ASPRV1: variants seen among roughly 807,000 people sequenced by gnomAD.
ASPRV1 encodes the protein retroviral-like aspartic protease 1.
In ASPRV1, 7 loss-of-function variants were observed where a neutral mutation model predicts 11.0. The observed-to-expected ratio is 0.64, with a 90% confidence interval of 0.36 to 1.20. The LOEUF is 1.20. Ranked by LOEUF, ASPRV1 falls within the 50% of genes most tolerant of loss-of-function variation. The pLI is 0.02. For synonymous variants in ASPRV1, 136 were observed against 138.4 expected (o/e 0.98, Z 0.12); for missense variants, 299 against 320.0 (o/e 0.93, Z 0.50).
the ASPRV1 span, among the ~76,000 whole-genome samples, chr2:70,016,801 A>G: frequency 6.6e-6 from 1 of 151,688 alleles, no homozygotes; most frequent in African/African-American, 2.4e-5. Context: ...CTGAGATCAC[A>G]CCATTGTCCT....
At chr2:70,062,708 T>C in the ASPRV1 span, among the ~76,000 whole-genome samples, 1 of 152,118 alleles carries the variant, frequency 6.6e-6, no homozygotes, top group Non-Finnish European at 1.5e-5. Flanking sequence ...AGAAGGGTCA[T>C]TTGAGCTCAA....
chr2:69,992,633 C>T, the ASPRV1 span, among the ~76,000 whole-genome samples: 1 of 152,208 alleles, frequency 6.6e-6, no homozygotes, highest in African/African-American at 2.4e-5. Flanking sequence ...CTTTAGGCAG[C>T]TTGTTTGAGA....
At chr2:69,981,566 G>A in the ASPRV1 span, among the ~76,000 whole-genome samples, 7 of 152,144 alleles carry the variant, frequency 4.6e-5, no homozygotes, top group Non-Finnish European at 1.0e-4. Context: ...GTTGTTGTTT[G>A]TTTGTTTTGG....
At chr2:69,948,324 T>C in the ASPRV1 span, among the ~76,000 whole-genome samples, 1 of 152,194 alleles carries the variant, frequency 6.6e-6, no homozygotes, top group Non-Finnish European at 1.5e-5. Context: ...AAGGTTTGAT[T>C]AGCAGAGACA....
At chr2:70,015,175 A>G in the ASPRV1 span, among the ~76,000 whole-genome samples, 1 of 152,232 alleles carries the variant, frequency 6.6e-6, no homozygotes, top group Non-Finnish European at 1.5e-5. Flanking sequence ...ATTTAAGAAC[A>G]CACATAGAAT....
At chr2:69,965,453 AC>A (rs1489411732), upstream of ASPRV1, among the ~76,000 whole-genome samples, 1 of 142,446 alleles carries the variant, frequency 7.0e-6, no homozygotes, top group Non-Finnish European at 1.5e-5. Context: ...TAAAAAAAAA[AC>A]AAAAACAAAA....
At chr2:70,042,315 T>C in the ASPRV1 span, among the ~76,000 whole-genome samples, 1 of 152,154 alleles carries the variant, frequency 6.6e-6, no homozygotes, top group Non-Finnish European at 1.5e-5. Context: ...CAAAGAGCAC[T>C]AGGCGAAGTT....
chr2:69,956,411 T>A (rs1677936434), downstream of ASPRV1, among the ~76,000 whole-genome samples: 1 of 113,724 alleles, frequency 8.8e-6, no homozygotes, highest in Non-Finnish European at 1.6e-5. Context: ...AGCAAGACCC[T>A]GTGAAGAAGA....
the ASPRV1 span, among the ~76,000 whole-genome samples, chr2:70,033,561 C>T: frequency 6.6e-6 from 1 of 152,090 alleles, no homozygotes; most frequent in African/African-American, 2.4e-5. Context: ...ACCATCCACT[C>T]CAGGTTCTAC....
the ASPRV1 span, among the ~76,000 whole-genome samples, chr2:70,000,787 T>C: frequency 2.8e-4 from 3 of 10,626 alleles, no homozygotes; most frequent in East Asian, 8.0e-3. Flanking sequence ...AGACCCTGCC[T>C]CAAAAAAAAA....
chr2:69,960,474 C>T lies in ASPRV1; in HGVS notation c.*183G>A. The stretch of plus-strand genomic sequence containing the variant: ...CTGCTCTCCCTCACCTGTGCCTGTT[C>T]AGTGGAAGCCTCCCCTACCAGGGGC... On this transcript the variant is annotated 3_prime_UTR_variant, in exon 1 of 1. Transcript: ENST00000320256. 1.6e-6 allele frequency: 1 copy of T among 639,072 alleles called. No individual in the cohort carries two copies. The highest frequency in any genetic ancestry group is 2.1e-5 in the South Asian group (1 of 48,690). The allele number at this position is 639,072 out of a possible 1,614,324, so 39.6% of individuals were successfully genotyped here. A position where few individuals can be genotyped will look rare whatever the true frequency, so the allele number is the denominator to read the frequency against.
At chr2:69,937,966 C>T in the ASPRV1 span, 2 of 824,854 alleles carry the variant, frequency 2.4e-6, no homozygotes, top group Non-Finnish European at 3.8e-6. Flanking sequence ...CAGCTGGTCT[C>T]AAACTCCTAA....
At chr2:70,076,285 G>C in the ASPRV1 span, among the ~76,000 whole-genome samples, 3 of 152,208 alleles carry the variant, frequency 2.0e-5, no homozygotes, top group Non-Finnish European at 4.4e-5. Context: ...AAGCTCTGGA[G>C]TTTGACTGCC....
chr2:69,992,425 G>A, the ASPRV1 span, among the ~76,000 whole-genome samples: 1 of 152,192 alleles, frequency 6.6e-6, no homozygotes, highest in Non-Finnish European at 1.5e-5. Flanking sequence ...CAAGGCATCA[G>A]GCAGTGTGAA....
chr2:70,026,105 G>A, the ASPRV1 span, among the ~76,000 whole-genome samples: 2 of 152,074 alleles, frequency 1.3e-5, no homozygotes, highest in African/African-American at 4.8e-5. Flanking sequence ...GGTGGATTAC[G>A]TGAGGTCAGG....
chr2:70,065,839 A>G, the ASPRV1 span, among the ~76,000 whole-genome samples: 34 of 147,026 alleles, frequency 2.3e-4, no homozygotes, highest in African/African-American at 8.4e-4. Flanking sequence ...AAAAAAAAAA[A>G]AAAAAGAAAG....
chr2:69,982,308 T>C, the ASPRV1 span, among the ~76,000 whole-genome samples: 24 of 137,686 alleles, frequency 1.7e-4, no homozygotes, highest in Admixed American at 9.0e-4. Flanking sequence ...AAAAAAAAAA[T>C]AGCCAGGCCT....
chr2:70,023,325 A>G, the ASPRV1 span, among the ~76,000 whole-genome samples: 1 of 152,170 alleles, frequency 6.6e-6, no homozygotes, highest in Non-Finnish European at 1.5e-5. Flanking sequence ...TTTATTAGTC[A>G]TGATTTGCAG....
chr2:70,066,642 G>A, the ASPRV1 span, among the ~76,000 whole-genome samples: 10 of 151,796 alleles, frequency 6.6e-5, no homozygotes, highest in African/African-American at 2.4e-4. Flanking sequence ...CTGTCACCAA[G>A]GCTGGAGTGC....
Sources: allele counts gnomAD v4.1 joint callset (sites outside exome capture counted in the v4.1 genomes callset), GRCh38; gene constraint gnomAD v4.1.1; transcripts MANE v1.5; gene names NCBI Gene and HGNC (gene_info 2026-07-23, HGNC 2026-07-21).